CRACDL: variants seen among roughly 807,000 people sequenced by gnomAD.
CRACDL encodes CRACD-like protein.
A neutral mutation model predicts 70.6 loss-of-function variants in CRACDL; 26 were observed. The ratio of observed to expected loss-of-function variants is 0.37; its 90% CI spans 0.27 to 0.51. The LOEUF is 0.51. CRACDL is among the 20% of genes least tolerant of loss of function. CRACDL has a pLI of 0.94. For missense variants in CRACDL, 1,283 were observed against 1,376.9 expected (o/e 0.93, Z 1.08); for synonymous variants, 618 against 615.2 (o/e 1.00, Z -0.07).
At chr2:98,893,890 G>A (rs555955699) in intron 1 of CRACDL, among the ~76,000 whole-genome samples, 1 of 152,180 alleles carries the variant, frequency 6.6e-6, no homozygotes, top group African/African-American at 2.4e-5. Flanking sequence ...ACGAACGCCC[G>A]TGCACCACAC....
intron 1 of CRACDL, among the ~76,000 whole-genome samples, chr2:98,929,830 A>C (rs1416018309): frequency 5.3e-5 from 8 of 152,170 alleles, no homozygotes; most frequent in Non-Finnish European, 1.0e-4. Flanking sequence ...TAGGAAGTAG[A>C]GCAGGTGTAT....
chr2:98,818,001 T>C (rs1035696637), intron 7 of CRACDL, among the ~76,000 whole-genome samples: 3 of 152,230 alleles, frequency 2.0e-5, no homozygotes, highest in African/African-American at 7.2e-5. Flanking sequence ...TTCTGTGTTT[T>C]GCAATTTTTC....
Position 98,822,822 on chromosome 2 carries a change from G to T in CRACDL, c.1451C>A (p.Ser484Tyr). 1.4e-6 allele frequency: 2 copies of T among 1,398,720 alleles called. No individual in the cohort carries two copies. The highest frequency in any genetic ancestry group is 1.7e-5 in the South Asian group (1 of 60,076). 86.6% of individuals were successfully genotyped at this position (1,398,720 alleles called of 1,614,324 possible). A position where few individuals can be genotyped will look rare whatever the true frequency, so the allele number is the denominator to read the frequency against. ...TEPERIGTEP[S>Y]TAPAPSPPAP... ...CGGCGGGCTCGGGGCGGGCGCCGTG[G>T]AGGGCTCGGTCCCAATTCTCTCGGG... The change falls in exon 7 of 10, where the codon TCC becomes TAC. Residue 484 changes from serine (S) to tyrosine (Y), a missense_variant. Physicochemically the swap from Ser to Tyr is moderately radical, Grantham distance 144. Around this residue, in one of 2 missense-constraint regions of CRACDL, gnomAD observed 921 missense variants for 881.9 expected, o/e 1.04. Coordinates refer to ENST00000397899, the MANE Select transcript of CRACDL (RefSeq NM_207362.3). The surrounding 1 kb of genome is among the most constrained non-coding windows in gnomAD (Gnocchi z 4.9).
At chr2:98,820,254 G>C (rs1207070731) in intron 7 of CRACDL, among the ~76,000 whole-genome samples, 3 of 152,154 alleles carry the variant, frequency 2.0e-5, no homozygotes, top group Non-Finnish European at 4.4e-5. Flanking sequence ...AGCAGGTCAG[G>C]CATGGTGGCT....
At chr2:98,868,320 C>T (rs753311544) in intron 1 of CRACDL, among the ~76,000 whole-genome samples, 6 of 152,184 alleles carry the variant, frequency 3.9e-5, no homozygotes, top group Non-Finnish European at 5.9e-5. Context: ...TTCCCAAGAC[C>T]GTTCGCCCAG....
chr2:98,885,583 G>T (rs532028317), intron 1 of CRACDL, among the ~76,000 whole-genome samples: 4 of 152,236 alleles, frequency 2.6e-5, no homozygotes, highest in African/African-American at 9.6e-5. Flanking sequence ...CAATAAAACT[G>T]CACAAGGGGA....
intron 1 of CRACDL, among the ~76,000 whole-genome samples, chr2:98,847,238 C>A (rs555799640): frequency 6.6e-6 from 1 of 152,154 alleles, no homozygotes; most frequent in Non-Finnish European, 1.5e-5. Flanking sequence ...TAATTTTTTA[C>A]GCAAATATTT....
intron 1 of CRACDL, among the ~76,000 whole-genome samples, chr2:98,927,825 G>A (rs907910661): frequency 6.6e-6 from 1 of 152,176 alleles, no homozygotes; most frequent in Non-Finnish European, 1.5e-5. Context: ...GGATGCAAAC[G>A]AAGAATATCT....
At chr2:98,923,448 T>G (rs551535201) in intron 1 of CRACDL, among the ~76,000 whole-genome samples, 1 of 152,108 alleles carries the variant, frequency 6.6e-6, no homozygotes, top group African/African-American at 2.4e-5. Flanking sequence ...CACCCCCTAA[T>G]GGAACCTACT....
At chr2:98,931,153 C>T (rs776248892) in intron 1 of CRACDL, among the ~76,000 whole-genome samples, 57 of 151,986 alleles carry the variant, frequency 3.8e-4, no homozygotes, top group Non-Finnish European at 1.0e-4. Flanking sequence ...GGAGAAACCT[C>T]GTCTCTACTA....
chr2:98,887,511 C>G (rs1168114382), intron 1 of CRACDL, among the ~76,000 whole-genome samples: 1 of 151,828 alleles, frequency 6.6e-6, no homozygotes, highest in Non-Finnish European at 1.5e-5. Flanking sequence ...GCCTCAAAGA[C>G]CTTGGGGTAG....
In CRACDL at chr2:98,794,458, C is replaced by T; in HGVS notation, c.*74G>A. On this transcript the variant is annotated 3_prime_UTR_variant, in exon 10 of 10. Transcript: ENST00000397899. ...ATCTTTAAGTTTCACAGTTTGTTTG[C>T]CACAATACACTGGCAGTTTTTAACT... The T allele has an allele frequency of 7.6e-7, 1 of 1,319,170 alleles. No homozygotes were observed. Among genetic ancestry groups the T allele is most frequent in the Non-Finnish European group, 1.1e-6 (1 of 930,910 alleles). The allele number at this position is 1,319,170 out of a possible 1,614,324, so 81.7% of individuals were successfully genotyped here.
chr2:98,899,320 G>GGC (rs1708206548), intron 1 of CRACDL, among the ~76,000 whole-genome samples: 2 of 152,262 alleles, frequency 1.3e-5, no homozygotes, highest in African/African-American at 2.4e-5. Context: ...TATGTAATAA[G>GGC]CACCCAAGTG....
At position 98,815,101 on chromosome 2, in the gene CRACDL, A is replaced by G. The variant is rs1575337447; in HGVS notation, c.2416+6756T>C. On this transcript the variant is annotated intron_variant, in intron 7 of 9. Transcript: ENST00000397899. ...ATTAATTCCAAGAGTACTCATTTTTACTTCTTAGAATGTGGCATAATAGTT... is the reference window on the plus strand; with the variant it reads ...ATTAATTCCAAGAGTACTCATTTTTGCTTCTTAGAATGTGGCATAATAGTT... Among the ~76,000 whole-genome samples, 3 of 151,756 alleles carry G rather than the reference A, an allele frequency of 2.0e-5. No homozygotes were observed. In the South Asian group the frequency reaches 6.2e-4, roughly 32 times the overall value.
chr2:98,910,485 C>T (rs898366792), intron 1 of CRACDL, among the ~76,000 whole-genome samples: 4 of 151,850 alleles, frequency 2.6e-5, no homozygotes, highest in African/African-American at 9.7e-5. Context: ...CACGTCACTA[C>T]ACTCCAGCCT....
At chr2:98,811,320 G>T (rs1704547414) in intron 7 of CRACDL, among the ~76,000 whole-genome samples, 1 of 151,674 alleles carries the variant, frequency 6.6e-6, no homozygotes, top group African/African-American at 2.4e-5. Context: ...GACCATCCTG[G>T]CCAACATGGT....
At chr2:98,884,807 T>A (rs1238405008) in intron 1 of CRACDL, among the ~76,000 whole-genome samples, 1 of 152,178 alleles carries the variant, frequency 6.6e-6, no homozygotes, top group Non-Finnish European at 1.5e-5. Context: ...CATCTTGAAC[T>A]TTTTGGCTCC....
chr2:98,934,609 A>G (rs1709164254), intron 1 of CRACDL, among the ~76,000 whole-genome samples: 1 of 152,228 alleles, frequency 6.6e-6, no homozygotes, highest in African/African-American at 2.4e-5. Context: ...GCTGCGCAGC[A>G]TCCATGGATG....
At chr2:98,901,604 C>T (rs1447488140) in intron 1 of CRACDL, among the ~76,000 whole-genome samples, 1 of 152,192 alleles carries the variant, frequency 6.6e-6, no homozygotes, top group African/African-American at 2.4e-5. Flanking sequence ...TCACATCAGA[C>T]CACAGGGCCT....
Sources: allele counts gnomAD v4.1 joint callset (sites outside exome capture counted in the v4.1 genomes callset), GRCh38; gene constraint gnomAD v4.1.1; regional missense constraint gnomAD v4.1.1; non-coding constraint Gnocchi (gnomAD v3.1); transcripts MANE v1.5; gene names NCBI Gene and HGNC (gene_info 2026-07-23, HGNC 2026-07-21).